The following DLGAP1 variants were observed in gnomAD, a reference collection of about 807,000 sequenced individuals.
DLGAP1 encodes the protein disks large-associated protein 1.
In DLGAP1, 11 loss-of-function variants were observed where a neutral mutation model predicts 90.8. The ratio of observed to expected loss-of-function variants is 0.12; its 90% CI spans 0.08 to 0.20. The LOEUF is 0.20. DLGAP1 is among the 10% of genes least tolerant of loss of function. DLGAP1 has a pLI of 1.00. For synonymous variants in DLGAP1, 558 were observed against 540.7 expected, an observed-to-expected ratio of 1.03 and a Z score of -0.44; for missense variants, 1,050 against 1,333.8, an observed-to-expected ratio of 0.79 and a Z score of 3.31.
chr18:3,499,206 G>C lies in DLGAP1; in HGVS notation c.2913C>G (p.Pro971=). The change falls in exon 13 of 13, where the codon CCC becomes CCG. Residue 971 remains proline, a synonymous_variant. Transcript: ENST00000315677. This position sits in a 1 kb window ranked among gnomAD's most constrained non-coding sequence, Gnocchi z 6.4. Reference sequence around the variant, plus strand: ...GCGCTCAGAGCCGGGTCTGCGCCTCGGGGATGTAGATCTCGATGCTCTCGG... The same window carrying C: ...GCGCTCAGAGCCGGGTCTGCGCCTCCGGGATGTAGATCTCGATGCTCTCGG... ...ESAESIEIYI[P]EAQTRL The C allele has an allele frequency of 6.3e-7, 1 of 1,592,858 alleles. No individual in the cohort carries two copies. The highest frequency in any genetic ancestry group is 8.5e-7 in the Non-Finnish European group (1 of 1,173,482).
intron 1 of DLGAP1, among the ~76,000 whole-genome samples, chr18:4,255,903 A>G (rs1316304349): frequency 6.6e-6 from 1 of 152,150 alleles, no homozygotes; most frequent in African/African-American, 2.4e-5. Context: ...TTCAATATCA[A>G]TCATTATTTG....
intron 7 of DLGAP1, among the ~76,000 whole-genome samples, chr18:3,659,726 C>G (rs768564803): frequency 8.5e-5 from 13 of 152,060 alleles, no homozygotes; most frequent in Non-Finnish European, 1.3e-4. Flanking sequence ...TGACCACACC[C>G]AGCTAAGTTT....
intron 4 of DLGAP1, among the ~76,000 whole-genome samples, chr18:3,859,887 T>A (rs2069919105): frequency 6.6e-6 from 1 of 151,854 alleles, no homozygotes; most frequent in Non-Finnish European, 1.5e-5. Context: ...GATCATGAGG[T>A]CAGGAGATCG....
chr18:4,263,295 A>G (rs1281374593), intron 1 of DLGAP1, among the ~76,000 whole-genome samples: 1 of 152,214 alleles, frequency 6.6e-6, no homozygotes, highest in Non-Finnish European at 1.5e-5. Context: ...ATCAATACAA[A>G]GTAAAATAAT....
intron 1 of DLGAP1, among the ~76,000 whole-genome samples, chr18:4,380,176 G>A (rs1223436533): frequency 1.3e-5 from 2 of 152,080 alleles, no homozygotes; most frequent in East Asian, 3.9e-4. Context: ...TAATAATGAG[G>A]AGTAATATCA....
chr18:4,243,916 T>C (rs1325159958), intron 1 of DLGAP1, among the ~76,000 whole-genome samples: 1 of 152,198 alleles, frequency 6.6e-6, no homozygotes, highest in East Asian at 1.9e-4. Flanking sequence ...ATCCCTACCT[T>C]TGAAAATTCA....
At chr18:3,842,746 T>C (rs2068791229) in intron 4 of DLGAP1, among the ~76,000 whole-genome samples, 1 of 152,072 alleles carries the variant, frequency 6.6e-6, no homozygotes, top group Admixed American at 6.5e-5. Context: ...GTAGGAAACA[T>C]GGGGTAGCAG....
At chr18:3,772,458 C>CTCCTTCTT (rs2064723319) in intron 5 of DLGAP1, among the ~76,000 whole-genome samples, 2 of 83,714 alleles carry the variant, frequency 2.4e-5, no homozygotes, top group Non-Finnish European at 4.6e-5. Context: ...CCCCACCCCC[C>CTCCTTCTT]TCTTTCTTTC....
In DLGAP1 at chr18:4,333,892, G is replaced by A. The variant is rs373765621; in HGVS notation, c.-267+121114C>T. 2.0e-4 allele frequency among the ~76,000 whole-genome samples: 30 copies of A among 149,984 alleles called. 1 individual carries two copies. Among genetic ancestry groups the A allele is most frequent in the African/African-American group, 5.4e-4 (22 of 40,632 alleles). On this transcript the variant is annotated intron_variant, in intron 1 of 12. Coordinates refer to ENST00000315677, the MANE Select transcript of DLGAP1 (RefSeq NM_004746.4). ...CGGGACCACAGGCGTGAGCCACCGC[G>A]CCCGGCCATATTTTTAACTGAATGC...
At chr18:4,241,729 T>C (rs1030677295) in intron 1 of DLGAP1, among the ~76,000 whole-genome samples, 3 of 152,174 alleles carry the variant, frequency 2.0e-5, no homozygotes, top group Non-Finnish European at 4.4e-5. Context: ...TTTCTAAAAA[T>C]TGTTTTTGTG....
intron 1 of DLGAP1, among the ~76,000 whole-genome samples, chr18:4,184,698 G>GTTTTTA (rs1373098469): frequency 6.6e-6 from 1 of 151,976 alleles, no homozygotes; most frequent in Non-Finnish European, 1.5e-5. Context: ...AAATCAATGA[G>GTTTTTA]TTTTTATTTT....
chr18:3,538,268 C>T (rs957482562), intron 9 of DLGAP1, among the ~76,000 whole-genome samples: 1 of 151,558 alleles, frequency 6.6e-6, no homozygotes, highest in Middle Eastern at 3.4e-3. Flanking sequence ...ATCCATTTTA[C>T]GAAGATAAAC....
chr18:3,583,826 T>C (rs895029119), intron 7 of DLGAP1, among the ~76,000 whole-genome samples: 3 of 152,184 alleles, frequency 2.0e-5, no homozygotes, highest in Non-Finnish European at 1.5e-5. Flanking sequence ...TGCATGCCTG[T>C]AATCCCAGCC....
At chr18:3,525,085 T>TGG (rs1054382102) in intron 10 of DLGAP1, among the ~76,000 whole-genome samples, 1,424 of 138,170 alleles carry the variant, frequency 0.01, 27 homozygotes, top group African/African-American at 0.039. Flanking sequence ...CACAGTGTTC[T>TGG]GGGGGAAAAA....
Position 3,635,973 on chromosome 18 carries a change from A to G in DLGAP1, c.1592-53725T>C, listed in dbSNP as rs145738078. Among the ~76,000 whole-genome samples the G allele has an allele frequency of 5.6e-3, 851 of 151,630 alleles. 6 individuals carry two copies. The highest frequency in any genetic ancestry group is 9.4e-3 in the Non-Finnish European group (639 of 68,002). On this transcript the variant is annotated intron_variant, in intron 7 of 12. Coordinates refer to ENST00000315677, the MANE Select transcript of DLGAP1 (RefSeq NM_004746.4). ...TCATTCACTGGCTTAAAGATCTTCAATATCTCCTCATTTCCTAAAGAATGA... is the reference window on the plus strand; with the variant it reads ...TCATTCACTGGCTTAAAGATCTTCAGTATCTCCTCATTTCCTAAAGAATGA...
intron 6 of DLGAP1, among the ~76,000 whole-genome samples, chr18:3,741,076 C>T (rs199549243): frequency 1.3e-4 from 15 of 116,026 alleles, no homozygotes; most frequent in African/African-American, 2.4e-4. Context: ...ACCACCACCA[C>T]CACCATCACC....
chr18:4,098,144 G>A (rs1568395235), intron 2 of DLGAP1, among the ~76,000 whole-genome samples: 1 of 152,106 alleles, frequency 6.6e-6, no homozygotes, highest in Non-Finnish European at 1.5e-5. Context: ...CACCTCTTGG[G>A]CTCAAGTGAT....
intron 2 of DLGAP1, among the ~76,000 whole-genome samples, chr18:4,094,751 C>A (rs1387569774): frequency 6.6e-6 from 1 of 151,914 alleles, no homozygotes. Flanking sequence ...GCATGCGCCA[C>A]CATGCCTGGC....
intron 1 of DLGAP1, among the ~76,000 whole-genome samples, chr18:4,212,845 C>G (rs1002565624): frequency 6.6e-6 from 1 of 151,904 alleles, no homozygotes; most frequent in African/African-American, 2.4e-5. Flanking sequence ...CAATTTTAAT[C>G]ATTCAAAAAA....
Sources: gnomAD v4.1 joint callset for allele counts (sites outside exome capture counted in the v4.1 genomes callset) on GRCh38, gnomAD v4.1.1 for gene constraint, Gnocchi (gnomAD v3.1) non-coding constraint, MANE v1.5 for transcripts, NCBI Gene and HGNC (gene_info 2026-07-23, HGNC 2026-07-21) for gene names.